The following NEMP2 variants were observed in gnomAD, a reference collection of about 807,000 sequenced individuals.
NEMP2 encodes the protein UPF0571 transmembrane protein.
In NEMP2, 53 loss-of-function variants were observed where a neutral mutation model predicts 54.2. That is an observed-to-expected ratio of 0.98 (90% CI 0.78 to 1.23). NEMP2 has a LOEUF of 1.23. Among genes scored for constraint, NEMP2 ranks in the 50% most tolerant of loss-of-function variants. NEMP2 has a pLI of 0.00. For missense variants in NEMP2, 455 were observed against 511.3 expected, an observed-to-expected ratio of 0.89 and a Z score of 1.06; for synonymous variants, 197 against 190.3, an observed-to-expected ratio of 1.04 and a Z score of -0.29.
the NEMP2 span, among the ~76,000 whole-genome samples, chr2:190,555,135 AG>A: frequency 6.6e-6 from 1 of 152,224 alleles, no homozygotes; most frequent in Non-Finnish European, 1.5e-5. This position sits in a 1 kb window ranked among gnomAD's most constrained non-coding sequence, Gnocchi z 4.8. Context: ...ATCAACAAAA[AG>A]GACATCCACT....
chr2:190,635,358 G>A, the NEMP2 span, among the ~76,000 whole-genome samples: 2 of 152,150 alleles, frequency 1.3e-5, no homozygotes, highest in African/African-American at 4.8e-5. This position sits in a 1 kb window ranked among gnomAD's most constrained non-coding sequence, Gnocchi z 4.1. Flanking sequence ...CTAGGACCAT[G>A]GGCATGTGCC....
chr2:190,541,373 A>C, the NEMP2 span, among the ~76,000 whole-genome samples: 1 of 152,098 alleles, frequency 6.6e-6, no homozygotes, highest in Admixed American at 6.6e-5. The surrounding 1 kb of genome is among the most constrained non-coding windows in gnomAD (Gnocchi z 5.2). Context: ...TTATTGCTAT[A>C]AACTTTCCTC....
the NEMP2 span, among the ~76,000 whole-genome samples, chr2:190,566,818 CA>C: frequency 1.3e-4 from 19 of 151,576 alleles, no homozygotes; most frequent in African/African-American, 4.3e-4. Context: ...GTTTTTTCCC[CA>C]AAAAAGTTAA....
chr2:190,648,527 T>TG, the NEMP2 span: 1 of 149,104 alleles, frequency 6.7e-6, no homozygotes, highest in East Asian at 1.9e-4. Context: ...TTTTTTTTTT[T>TG]TTTTTTTTTT....
chr2:190,534,912 C>T (rs1691318127), upstream of NEMP2: 2 of 333,370 alleles, frequency 6.0e-6, no homozygotes, highest in Non-Finnish European at 1.1e-5. Flanking sequence ...CTCCCGGCCT[C>T]GGCCTCGGCC....
At chr2:190,526,136 A>C (rs1690927461) in intron 1 of NEMP2, among the ~76,000 whole-genome samples, 1 of 152,204 alleles carries the variant, frequency 6.6e-6, no homozygotes, top group Admixed American at 6.5e-5. Context: ...CCCAAGTCCC[A>C]AAATGGCAAG....
chr2:190,481,122 C>T, the NEMP2 span, among the ~76,000 whole-genome samples: 1 of 152,262 alleles, frequency 6.6e-6, no homozygotes, highest in African/African-American at 2.4e-5. Context: ...GGTGGGAAAA[C>T]ACTGGGCGTG....
the NEMP2 span, among the ~76,000 whole-genome samples, chr2:190,438,142 G>T: frequency 2.0e-5 from 3 of 151,512 alleles, no homozygotes; most frequent in South Asian, 6.3e-4. This position sits in a 1 kb window ranked among gnomAD's most constrained non-coding sequence, Gnocchi z 5.2. Context: ...CTGCATTTCT[G>T]TCCACCATGA....
chr2:190,508,752 G>A lies in NEMP2; in HGVS notation c.*437C>T, dbSNP rs7609330. 23,688 of 162,046 alleles carry A rather than the reference G, an allele frequency of 0.15. 1,977 individuals carry two copies. The highest frequency in any genetic ancestry group is 0.22 in the Middle Eastern group (73 of 328). The allele number at this position is 162,046 out of a possible 1,614,324, so 10.0% of individuals were successfully genotyped here. Reference sequence around the variant, plus strand: ...GTGAGCTGTACTTTGGAAAACACTGGTCCAGCATGTCTCAGGTCTCTTTAA... The same window carrying A: ...GTGAGCTGTACTTTGGAAAACACTGATCCAGCATGTCTCAGGTCTCTTTAA... On this transcript the variant is annotated 3_prime_UTR_variant, in exon 9 of 9. Transcript: ENST00000409150. This position sits in a 1 kb window ranked among gnomAD's most constrained non-coding sequence, Gnocchi z 4.3.
At chr2:190,432,822 GC>G in the NEMP2 span, among the ~76,000 whole-genome samples, 2 of 34,756 alleles carry the variant, frequency 5.8e-5, no homozygotes, top group Admixed American at 3.4e-4. Context: ...TGCCACCCCC[GC>G]CCCCCAACAC....
chr2:190,481,586 T>A, the NEMP2 span, among the ~76,000 whole-genome samples: 1 of 152,232 alleles, frequency 6.6e-6, no homozygotes, highest in East Asian at 1.9e-4. Context: ...AGATAAATCC[T>A]GCCCCCTTTC....
the NEMP2 span, chr2:190,626,145 T>C: frequency 6.6e-6 from 1 of 152,198 alleles, no homozygotes; most frequent in East Asian, 1.9e-4. This position sits in a 1 kb window ranked among gnomAD's most constrained non-coding sequence, Gnocchi z 4.5. Context: ...GTCTCTTTTA[T>C]AAGGGCACTA....
At chr2:190,454,302 A>G in the NEMP2 span, 1 of 152,134 alleles carries the variant, frequency 6.6e-6, no homozygotes, top group Non-Finnish European at 1.5e-5. The surrounding 1 kb of genome is among the most constrained non-coding windows in gnomAD (Gnocchi z 4.6). Flanking sequence ...TAGAGAGTGA[A>G]GGTATTAAAG....
the NEMP2 span, among the ~76,000 whole-genome samples, chr2:190,638,328 G>A: frequency 1.3e-5 from 2 of 152,020 alleles, no homozygotes; most frequent in East Asian, 3.9e-4. This position sits in a 1 kb window ranked among gnomAD's most constrained non-coding sequence, Gnocchi z 5.7. Flanking sequence ...TAAGTAACCT[G>A]CCTATTTTTG....
the NEMP2 span, among the ~76,000 whole-genome samples, chr2:190,574,959 A>AT: frequency 2.0e-5 from 3 of 151,910 alleles, no homozygotes; most frequent in Admixed American, 6.6e-5. Flanking sequence ...GGTTCAAGCG[A>AT]TTCTCCTGCC....
the NEMP2 span, among the ~76,000 whole-genome samples, chr2:190,441,602 T>C: frequency 2.6e-5 from 4 of 152,154 alleles, no homozygotes; most frequent in African/African-American, 4.8e-5. Context: ...AGTTTACTTA[T>C]GTACATGTGC....
At chr2:190,618,036 C>A in the NEMP2 span, among the ~76,000 whole-genome samples, 1 of 152,170 alleles carries the variant, frequency 6.6e-6, no homozygotes, top group East Asian at 1.9e-4. Context: ...GAAAATCAGT[C>A]TCCCAGGATT....
chr2:190,516,021 T>C (rs951562313), intron 6 of NEMP2, among the ~76,000 whole-genome samples: 8 of 152,198 alleles, frequency 5.3e-5, no homozygotes, highest in Non-Finnish European at 1.2e-4. Flanking sequence ...CACTTTTTTT[T>C]CCTCTTTTGA....
At chr2:190,612,280 T>C in the NEMP2 span, among the ~76,000 whole-genome samples, 1 of 151,552 alleles carries the variant, frequency 6.6e-6, no homozygotes, top group African/African-American at 2.4e-5. Context: ...CTCAGCTTCC[T>C]GAGTAGTTGG....
Sources: allele counts gnomAD v4.1 joint callset (sites outside exome capture counted in the v4.1 genomes callset), GRCh38; gene constraint gnomAD v4.1.1; non-coding constraint Gnocchi (gnomAD v3.1); transcripts MANE v1.5; gene names NCBI Gene and HGNC (gene_info 2026-07-23, HGNC 2026-07-21).